The following ASAP1 variants were observed in gnomAD, a reference collection of about 807,000 sequenced individuals.
ASAP1 encodes arf-GAP with SH3 domain, ANK repeat and PH domain-containing protein 1.
In ASAP1, 43 loss-of-function variants were observed where a neutral mutation model predicts 145.2. That is an observed-to-expected ratio of 0.30 (90% CI 0.23 to 0.38). The LOEUF is 0.38. ASAP1 is among the 10% of genes least tolerant of loss of function. The probability of loss-of-function intolerance (pLI) is 1.00; values close to 1 mark genes in which losing one functional copy is unlikely to be tolerated. For missense variants in ASAP1, 1,018 were observed against 1,355.3 expected (o/e 0.75, Z 3.91); for synonymous variants, 546 against 515.5 (o/e 1.06, Z -0.80).
chr8:130,233,361 T>C (rs142442934), intron 4 of ASAP1, among the ~76,000 whole-genome samples: 2,724 of 152,258 alleles, frequency 0.018, 71 homozygotes, highest in Admixed American at 0.063. Flanking sequence ...GTTGAGCCCC[T>C]ACCATGTGTT....
intron 5 of ASAP1, among the ~76,000 whole-genome samples, chr8:130,199,005 G>A (rs1396789717): frequency 1.3e-5 from 2 of 151,948 alleles, no homozygotes; most frequent in Non-Finnish European, 1.5e-5. Flanking sequence ...CACTTTGCAC[G>A]TGCTTTACTC....
chr8:130,103,498 A>ATTTTTATT (rs2097532196), intron 24 of ASAP1, among the ~76,000 whole-genome samples: 3 of 150,990 alleles, frequency 2.0e-5, no homozygotes, highest in East Asian at 1.9e-4. Flanking sequence ...GTTATTTGAC[A>ATTTTTATT]TTTTTATTTT....
intron 3 of ASAP1, among the ~76,000 whole-genome samples, chr8:130,271,963 C>G (rs1392217735): frequency 6.6e-6 from 1 of 151,882 alleles, no homozygotes; most frequent in Non-Finnish European, 1.5e-5. Context: ...CTTGCTGTCT[C>G]AAGTTGAATG....
chr8:130,228,485 G>C (rs945168428), intron 4 of ASAP1, among the ~76,000 whole-genome samples: 10 of 152,074 alleles, frequency 6.6e-5, no homozygotes, highest in Non-Finnish European at 1.3e-4. Flanking sequence ...TGAATAGCTT[G>C]AGCCCAGGCG....
At chr8:130,215,915 C>T (rs1378414842) in intron 4 of ASAP1, among the ~76,000 whole-genome samples, 2 of 141,046 alleles carry the variant, frequency 1.4e-5, no homozygotes, top group African/African-American at 5.4e-5. Context: ...TAGAATGAGA[C>T]CCTATCTCCA....
intron 22 of ASAP1, 88 bp downstream of exon 22, chr8:130,116,590 C>T (rs2097556445): frequency 2.5e-6 from 3 of 1,181,392 alleles, no homozygotes; most frequent in South Asian, 1.3e-5. Flanking sequence ...AATGAATCTG[C>T]ATTTTTAATA....
Position 130,276,548 on chromosome 8 carries a change from G to A in ASAP1, c.187-39554C>T, listed in dbSNP as rs118113813. Among the ~76,000 whole-genome samples, 878 of 152,194 alleles carry A rather than the reference G, an allele frequency of 5.8e-3. 7 individuals are homozygous for A. The highest frequency in any genetic ancestry group is 9.2e-3 in the Non-Finnish European group (627 of 68,016). ...AAAAAGCTGGCATTTGTGTCCTGTA[G>A]GCTGATCCCAGGGTCTTCTGTGACA... is the stretch of plus-strand genomic sequence containing the variant. On this transcript the variant is annotated intron_variant, in intron 3 of 29. Transcript: ENST00000518721.
chr8:130,233,928 C>A (rs541808419), intron 4 of ASAP1, among the ~76,000 whole-genome samples: 70 of 152,254 alleles, frequency 4.6e-4, no homozygotes, highest in African/African-American at 1.6e-3. Flanking sequence ...TAGGCCAGTG[C>A]AACAGTTCTT....
At chr8:130,296,990 A>G (rs1281009845) in intron 3 of ASAP1, among the ~76,000 whole-genome samples, 1 of 152,164 alleles carries the variant, frequency 6.6e-6, no homozygotes. Flanking sequence ...TTAGAAGGGC[A>G]GAGACAAAGA....
intron 27 of ASAP1, among the ~76,000 whole-genome samples, chr8:130,074,486 C>CACACACACACACACAG (rs5895034): frequency 2.1e-5 from 3 of 140,482 alleles, no homozygotes; most frequent in Admixed American, 1.4e-4. Context: ...CACACACACA[C>CACACACACACACACAG]AGAGAGAACG....
In ASAP1 at chr8:130,130,870, T is replaced by A. The variant is rs372699093; in HGVS notation, c.1218-2780A>T. Among the ~76,000 whole-genome samples the A allele has an allele frequency of 7.8e-4, 118 of 151,956 alleles. 1 individual carries two copies. In the South Asian group the frequency reaches 0.024, roughly 31 times the overall value. The stretch of plus-strand genomic sequence containing the variant: ...TCCAGCCTGGGCAACATAGATCTCA[T>A]TTTAAAAAAAAAAGCCACGCTCACG... On this transcript the variant is annotated intron_variant, in intron 15 of 29. Transcript: ENST00000518721.
chr8:130,235,704 GTGTTAACAATTAATA>G (rs1164192044), intron 4 of ASAP1, among the ~76,000 whole-genome samples: 1 of 152,146 alleles, frequency 6.6e-6, no homozygotes, highest in Non-Finnish European at 1.5e-5. Context: ...GGTGCAAAAT[GTGTTAACAATTAATA>G]TTACAGAATG....
At chr8:130,323,241 G>A (rs112276383) in intron 3 of ASAP1, among the ~76,000 whole-genome samples, 2,502 of 152,300 alleles carry the variant, frequency 0.016, 70 homozygotes, top group African/African-American at 0.055. Context: ...CTGCTATGCC[G>A]TTCTATTCAA....
intron 3 of ASAP1, among the ~76,000 whole-genome samples, chr8:130,287,182 C>T (rs564546654): frequency 7.4e-6 from 1 of 135,816 alleles, no homozygotes; most frequent in East Asian, 2.3e-4. Context: ...CTGAACTTTA[C>T]ACATTTTTGT....
At chr8:130,317,836 C>T (rs993701713) in intron 3 of ASAP1, among the ~76,000 whole-genome samples, 1 of 152,178 alleles carries the variant, frequency 6.6e-6, no homozygotes, top group Admixed American at 6.5e-5. Flanking sequence ...CCTCAAACAA[C>T]TAATGAGCTG....
At chr8:130,274,356 G>A (rs1043189249) in intron 3 of ASAP1, among the ~76,000 whole-genome samples, 5 of 152,166 alleles carry the variant, frequency 3.3e-5, no homozygotes, top group African/African-American at 4.8e-5. Flanking sequence ...TTACCATTAC[G>A]GGGAAGTTTT....
intron 4 of ASAP1, among the ~76,000 whole-genome samples, chr8:130,218,836 G>A (rs1381665462): frequency 6.9e-6 from 1 of 144,456 alleles, no homozygotes; most frequent in African/African-American, 2.5e-5. Flanking sequence ...GAATAACCAT[G>A]TAGTCTCTTT....
chr8:130,187,958 A>AT (rs1462722412), intron 6 of ASAP1, 151 bp downstream of exon 6: 3 of 652,200 alleles, frequency 4.6e-6, no homozygotes, highest in African/African-American at 3.6e-5. Flanking sequence ...GAAGAGGCAC[A>AT]TTTTTTCCAA....
intron 25 of ASAP1, among the ~76,000 whole-genome samples, chr8:130,085,452 G>A (rs1269336948): frequency 2.0e-5 from 3 of 152,156 alleles, no homozygotes; most frequent in Non-Finnish European, 2.9e-5. Context: ...AGAAAGAGGA[G>A]GACCGGGTGA....
Sources: allele counts gnomAD v4.1 joint callset (sites outside exome capture counted in the v4.1 genomes callset), GRCh38; gene constraint gnomAD v4.1.1; transcripts MANE v1.5; gene names NCBI Gene and HGNC (gene_info 2026-07-23, HGNC 2026-07-21).